Variants in USP37 observed in about 807,000 individuals in gnomAD.
USP37 encodes the protein ubiquitin specific peptidase 37.
USP37 carries 27 observed loss-of-function variants against 124.0 expected under a neutral mutation model. That is an observed-to-expected ratio of 0.22 (90% CI 0.16 to 0.30). The LOEUF is 0.30. Among genes scored for constraint, USP37 ranks in the 10% least tolerant of loss-of-function variants. The pLI, the probability that USP37 is intolerant of heterozygous loss-of-function variation, is 1.00. For synonymous variants in USP37, 365 were observed against 388.0 expected (o/e 0.94, Z 0.70); for missense variants, 889 against 1,140.4 (o/e 0.78, Z 3.17).
In USP37 at chr2:218,485,946, G is replaced by T. The variant is rs1691538733; in HGVS notation, c.1591-203C>A. On this transcript the variant is annotated intron_variant, in intron 15 of 25. Transcript: ENST00000258399. ...ACCTATAATATCATGCCCCATTTCA[G>T]AACTTCTAATTTCCTTTTTCACCAA... Among the ~76,000 whole-genome samples the T allele has an allele frequency of 2.0e-5, 3 of 152,066 alleles. No individual in the cohort carries two copies. The South Asian group carries it at 6.2e-4, about 32-fold the overall frequency.
At chr2:218,511,395 G>A (rs542990765) in intron 10 of USP37, among the ~76,000 whole-genome samples, 80 of 152,126 alleles carry the variant, frequency 5.3e-4, no homozygotes, top group Middle Eastern at 6.8e-3. Context: ...TGCAACCTCC[G>A]CCTCCCGGAT....
At chr2:218,503,286 T>A (rs1321538953) in intron 11 of USP37, among the ~76,000 whole-genome samples, 2 of 152,268 alleles carry the variant, frequency 1.3e-5, no homozygotes, top group East Asian at 3.8e-4. Context: ...TCTCATCTTT[T>A]AATTTCTTTA....
chr2:218,491,120 T>G (rs1362473277), intron 14 of USP37, among the ~76,000 whole-genome samples: 1 of 152,134 alleles, frequency 6.6e-6, no homozygotes, highest in African/African-American at 2.4e-5. Context: ...GTGATCCTCT[T>G]GCCTCAGCCT....
chr2:218,473,484 A>C (rs1050874857), intron 20 of USP37, among the ~76,000 whole-genome samples: 11 of 152,238 alleles, frequency 7.2e-5, no homozygotes, highest in African/African-American at 2.7e-4. Flanking sequence ...ATAATTGAAG[A>C]GGTTCCAACT....
chr2:218,497,236 A>G (rs1689130781), intron 13 of USP37, among the ~76,000 whole-genome samples: 1 of 151,086 alleles, frequency 6.6e-6, no homozygotes. Flanking sequence ...ATGCCCGGCT[A>G]ATTTTTTTTA....
chr2:218,483,618 A>G (rs1406725581), intron 16 of USP37, among the ~76,000 whole-genome samples: 3 of 151,884 alleles, frequency 2.0e-5, no homozygotes, highest in Non-Finnish European at 4.4e-5. Context: ...GAAAAAAAAG[A>G]AAGAAAAACA....
At chr2:218,528,859 T>C (rs962438078) in intron 10 of USP37, 1 of 313,138 alleles carries the variant, frequency 3.2e-6, no homozygotes, top group Non-Finnish European at 5.5e-6. Context: ...TCTATAGAAT[T>C]GGCAATTAAA....
intron 20 of USP37, among the ~76,000 whole-genome samples, chr2:218,471,914 C>G (rs1401590748): frequency 6.6e-6 from 1 of 151,806 alleles, no homozygotes; most frequent in African/African-American, 2.4e-5. Flanking sequence ...CCTGTAATCC[C>G]AGCTACTCGG....
intron 10 of USP37, among the ~76,000 whole-genome samples, chr2:218,521,168 T>G (rs1690592622): frequency 2.0e-5 from 3 of 152,178 alleles, no homozygotes; most frequent in African/African-American, 7.2e-5. Flanking sequence ...GACGCTGCCA[T>G]GCTCCCTGTA....
chr2:218,516,395 A>G (rs1214488446), intron 10 of USP37, among the ~76,000 whole-genome samples: 1 of 152,220 alleles, frequency 6.6e-6, no homozygotes, highest in Non-Finnish European at 1.5e-5. Context: ...TTGCAGGGAC[A>G]TGGATGAAGC....
chr2:218,554,249 G>A (rs972946409), intron 4 of USP37, among the ~76,000 whole-genome samples: 1 of 152,190 alleles, frequency 6.6e-6, no homozygotes, highest in Non-Finnish European at 1.5e-5. Flanking sequence ...TCATTTCTTA[G>A]TCACAGTTTT....
intron 4 of USP37, among the ~76,000 whole-genome samples, chr2:218,555,884 GA>G (rs1692944719): frequency 6.6e-6 from 1 of 152,054 alleles, no homozygotes. Flanking sequence ...ACTCTCCCCA[GA>G]TAATTTTCTC....
chr2:218,458,685 T>C (rs1689839662), intron 23 of USP37, among the ~76,000 whole-genome samples: 1 of 152,278 alleles, frequency 6.6e-6, no homozygotes, highest in South Asian at 2.1e-4. Flanking sequence ...AAATACTCAA[T>C]GTTAGCTAAA....
Position 218,497,834 on chromosome 2 carries a change from T to C in USP37, c.1181A>G (p.Lys394Arg), listed in dbSNP as rs1288120690. Reference protein sequence around the residue: ...LIRRFAHLLVKKDICNSETKK... With the variant: ...LIRRFAHLLVRKDICNSETKK... ...GGTCTCTGAATTACAGATATCTTTT[T>C]TAACAAGCAAGTGTGCAAAGCGTCT... The change falls in exon 13 of 26, where the codon AAA becomes AGA. Residue 394 changes from lysine to arginine, a missense_variant. Physicochemically the swap from Lys to Arg is conservative, Grantham distance 26. This residue lies in a region of USP37 where 504 missense variants were observed against 714.3 expected (regional missense o/e 0.71). Transcript: ENST00000258399. The C allele has an allele frequency of 3.1e-6, 5 of 1,614,064 alleles. No individual in the cohort carries two copies. Among genetic ancestry groups the C allele is most frequent in the Non-Finnish European group, 4.2e-6 (5 of 1,180,028 alleles).
chr2:218,507,345 AC>A (rs1460668914), intron 11 of USP37, among the ~76,000 whole-genome samples: 3 of 151,250 alleles, frequency 2.0e-5, no homozygotes, highest in Non-Finnish European at 4.4e-5. Flanking sequence ...TTTAGTACAG[AC>A]AGGGTTTCAC....
At position 218,498,099 on chromosome 2, in the gene USP37, G is replaced by T. The variant is rs773492231; in HGVS notation, c.1084C>A (p.Leu362Ile). 3.1e-6 allele frequency: 5 copies of T among 1,607,232 alleles called. No homozygotes were observed. In the South Asian group the frequency reaches 4.5e-5, roughly 14 times the overall value. ...MNAILQSLFS[L>I]QSFANDLLKQ... ...AGCAAGTCATTTGCAAATGACTGGA[G>T]TGAAAATAGAGATTGTAGAATAGCA... Residue 362 changes from leucine to isoleucine, a missense_variant, in exon 12 of 26, where the codon CTC becomes ATC. By Grantham distance (5) the Leu-to-Ile change is conservative. Around this residue, in one of 3 missense-constraint regions of USP37, gnomAD observed 11 missense variants for 40.1 expected, o/e 0.27. Transcript: ENST00000258399.
chr2:218,526,787 T>C (rs1053572903), intron 10 of USP37, among the ~76,000 whole-genome samples: 4 of 122,906 alleles, frequency 3.3e-5, no homozygotes, highest in African/African-American at 1.3e-4. Context: ...TTCATTTGCT[T>C]TTTTTTTTTT....
intron 8 of USP37, among the ~76,000 whole-genome samples, chr2:218,542,661 A>G (rs1239774472): frequency 6.6e-6 from 1 of 152,154 alleles, no homozygotes. Flanking sequence ...GATAGATTCC[A>G]ATTCAGCTGT....
At chr2:218,549,698 C>T (rs111420199) in intron 6 of USP37, 111 bp downstream of exon 6, 22 of 912,314 alleles carry the variant, frequency 2.4e-5, no homozygotes, top group African/African-American at 8.6e-5. Flanking sequence ...CTCCTGACCT[C>T]GGGTGATCCA....
Sources: allele counts gnomAD v4.1 joint callset (sites outside exome capture counted in the v4.1 genomes callset), GRCh38; gene constraint gnomAD v4.1.1; regional missense constraint gnomAD v4.1.1; transcripts MANE v1.5; gene names NCBI Gene and HGNC (gene_info 2026-07-23, HGNC 2026-07-21).